The following CR1L variants were observed in gnomAD, a reference collection of about 807,000 sequenced individuals.
CR1L encodes the protein complement component receptor 1-like protein.
CR1L carries 59 observed loss-of-function variants against 62.3 expected under a neutral mutation model. The observed-to-expected ratio is 0.95, with a 90% CI of 0.77 to 1.18. The LOEUF is 1.18. CR1L is among the 50% of genes most tolerant of loss of function. The pLI is 0.00. For synonymous variants in CR1L, 279 were observed against 248.7 expected (o/e 1.12, Z -1.15); for missense variants, 700 against 702.8 (o/e 1.00, Z 0.04).
intron 4 of CR1L, 34 bp downstream of exon 4, chr1:207,683,991 C>A: frequency 6.3e-7 from 1 of 1,575,760 alleles, no homozygotes; most frequent in Non-Finnish European, 8.7e-7. Flanking sequence ...TTTCTTTTAC[C>A]GATACATTCT....
chr1:207,694,685 G>A lies in CR1L; in HGVS notation c.796G>A (p.Gly266Arg), dbSNP rs1224682889. 1 of 1,611,902 alleles carries A rather than the reference G, an allele frequency of 6.2e-7. No homozygotes were observed. Among genetic ancestry groups the A allele is most frequent in the South Asian group, 1.1e-5 (1 of 90,994 alleles). The change falls in exon 5 of 12, where the codon GGG (glycine) becomes AGG (arginine). Residue 266 changes from glycine (G) to arginine (R), a missense_variant. Gly to Arg is a moderately radical substitution (Grantham distance 125). Transcript: ENST00000508064. ...GTGTCAGCCTGGCTTTGGCATGAAA[G>A]GGCCCTCCCATGTGAAGTGCCAGGC... ...FRCQPGFGMK[G>R]PSHVKCQALN...
At chr1:207,682,300 C>T (rs1028083815) in intron 3 of CR1L, among the ~76,000 whole-genome samples, 22 of 151,912 alleles carry the variant, frequency 1.4e-4, no homozygotes, top group African/African-American at 4.8e-4. Context: ...GATGAAACCC[C>T]GTCTTTACTA....
intron 1 of CR1L, chr1:207,652,804 T>A: frequency 1.6e-6 from 1 of 636,178 alleles, no homozygotes; most frequent in Non-Finnish European, 2.8e-6. Context: ...TTAGGGTACA[T>A]ATTCCACTAT....
intron 4 of CR1L, among the ~76,000 whole-genome samples, chr1:207,691,258 C>A (rs1261911826): frequency 6.6e-6 from 1 of 152,268 alleles, no homozygotes; most frequent in East Asian, 1.9e-4. Context: ...CTTTACCTCT[C>A]ATAATACTTC....
At chr1:207,678,671 C>G (rs1350873896) in intron 3 of CR1L, among the ~76,000 whole-genome samples, 1 of 152,164 alleles carries the variant, frequency 6.6e-6, no homozygotes, top group Non-Finnish European at 1.5e-5. Flanking sequence ...GGTCATAGCA[C>G]AAATAGTTTG....
At chr1:207,679,459 G>A (rs1221415986) in intron 3 of CR1L, among the ~76,000 whole-genome samples, 1 of 152,098 alleles carries the variant, frequency 6.6e-6, no homozygotes, top group Non-Finnish European at 1.5e-5. Context: ...TATTTCAGGG[G>A]TGAGGGGAAC....
chr1:207,684,542 T>C (rs937829906), intron 4 of CR1L, among the ~76,000 whole-genome samples: 3 of 152,224 alleles, frequency 2.0e-5, no homozygotes, highest in African/African-American at 7.2e-5. Context: ...AACTATGGTT[T>C]GGAAATAATC....
intron 11 of CR1L, among the ~76,000 whole-genome samples, chr1:207,722,692 CAATA>C (rs1654165507): frequency 6.6e-6 from 1 of 151,830 alleles, no homozygotes; most frequent in Admixed American, 6.6e-5. Flanking sequence ...TGTGAACACC[CAATA>C]AAAAGTAAGG....
chr1:207,657,459 A>G, intron 1 of CR1L: 1 of 519,032 alleles, frequency 1.9e-6, no homozygotes, highest in Non-Finnish European at 3.4e-6. Context: ...ATACAGGTCA[A>G]TTCAAGCCAA....
chr1:207,655,137 ATG>A (rs564059248), intron 1 of CR1L: 19 of 436,610 alleles, frequency 4.4e-5, no homozygotes, highest in Non-Finnish European at 6.9e-5. Context: ...CTTCATTATT[ATG>A]TGTCTTATTA....
Position 207,694,294 on chromosome 1 carries a change from G to A in CR1L, c.464-59G>A, listed in dbSNP as rs1183055423. The A allele has an allele frequency of 2.5e-6, 4 of 1,588,766 alleles. No individual in the cohort carries two copies. In the Admixed American group the frequency reaches 6.8e-5, roughly 27 times the overall value. On this transcript the variant is annotated intron_variant, in intron 4 of 11. Coordinates refer to ENST00000508064, the MANE Select transcript of CR1L (RefSeq NM_175710.2). ...TGAATGTAAAAATAGTTACAGTTTA[G>A]TGACTCGTGAGATTTTTGTCATTCA...
intron 10 of CR1L, among the ~76,000 whole-genome samples, chr1:207,712,039 C>T (rs1664367158): frequency 6.6e-6 from 1 of 152,230 alleles, no homozygotes; most frequent in Admixed American, 6.5e-5. Context: ...GTTAGCCCTG[C>T]TCTGCAAAGG....
intron 2 of CR1L, 113 bp from the exon 3 acceptor site, chr1:207,678,085 C>T: frequency 1.1e-6 from 1 of 887,864 alleles, no homozygotes. Flanking sequence ...ATCTGTGGAA[C>T]CATCAGAACT....
intron 1 of CR1L, among the ~76,000 whole-genome samples, chr1:207,653,685 T>C (rs1663264223): frequency 6.6e-6 from 1 of 152,222 alleles, no homozygotes; most frequent in Non-Finnish European, 1.5e-5. Flanking sequence ...CACTGAGCAC[T>C]CGGTAATAGC....
intron 1 of CR1L, among the ~76,000 whole-genome samples, chr1:207,661,816 C>T (rs997997385): frequency 6.6e-6 from 1 of 152,190 alleles, no homozygotes; most frequent in African/African-American, 2.4e-5. Context: ...GTGCTTCCTT[C>T]AGAAGCTGTT....
chr1:207,651,363 A>G (rs7517879), intron 1 of CR1L, among the ~76,000 whole-genome samples: 71,922 of 151,902 alleles, frequency 0.47, 17,563 homozygotes, highest in African/African-American at 0.59. Flanking sequence ...ATTGGACAGT[A>G]TATATATGGA....
intron 10 of CR1L, among the ~76,000 whole-genome samples, chr1:207,716,531 A>G (rs1009622598): frequency 6.6e-6 from 1 of 152,196 alleles, no homozygotes; most frequent in East Asian, 1.9e-4. Flanking sequence ...GAAAATGTTT[A>G]CTTTAATTTG....
chr1:207,695,543 G>A (rs573988356), intron 5 of CR1L, among the ~76,000 whole-genome samples: 1 of 152,294 alleles, frequency 6.6e-6, no homozygotes, highest in African/African-American at 2.4e-5. Context: ...ACTTGGCTTT[G>A]CTAGTCAGCA....
chr1:207,691,089 T>A (rs1663989451), intron 4 of CR1L, among the ~76,000 whole-genome samples: 1 of 152,236 alleles, frequency 6.6e-6, no homozygotes, highest in Non-Finnish European at 1.5e-5. Flanking sequence ...TGACTATGAA[T>A]TTGCCTGTCT....
Sources: gnomAD v4.1 joint callset for allele counts (sites outside exome capture counted in the v4.1 genomes callset) on GRCh38, gnomAD v4.1.1 for gene constraint, MANE v1.5 for transcripts, NCBI Gene and HGNC (gene_info 2026-07-23, HGNC 2026-07-21) for gene names.